ARHGAP23: variants seen among roughly 807,000 people sequenced by gnomAD.
ARHGAP23 encodes the protein Rho GTPase activating protein 23, also known as rho GTPase-activating protein 23.
Under a neutral mutation model 136.3 loss-of-function variants are expected in ARHGAP23, and 34 were observed. The observed-to-expected ratio is 0.25, with a 90% CI of 0.19 to 0.33. ARHGAP23 has a LOEUF of 0.33. ARHGAP23 is among the 10% of genes least tolerant of loss of function. The pLI, the probability that ARHGAP23 is intolerant of heterozygous loss-of-function variation, is 1.00. For missense variants in ARHGAP23, 1,808 were observed against 2,139.0 expected, an observed-to-expected ratio of 0.85 and a Z score of 3.05; for synonymous variants, 832 against 920.5, an observed-to-expected ratio of 0.90 and a Z score of 1.74.
At chr17:38,435,142 G>T (rs190623350) in intron 1 of ARHGAP23, among the ~76,000 whole-genome samples, 2 of 152,354 alleles carry the variant, frequency 1.3e-5, no homozygotes, top group East Asian at 3.9e-4. Context: ...GACAGGCCAA[G>T]GGGATAGAGC....
intron 1 of ARHGAP23, among the ~76,000 whole-genome samples, chr17:38,429,260 C>A (rs1169958486): frequency 6.6e-6 from 1 of 152,264 alleles, no homozygotes; most frequent in Non-Finnish European, 1.5e-5. Flanking sequence ...TGGGTTCTTT[C>A]ATCTGCCAGC....
rs2040743324 is a variant in ARHGAP23, at chr17:38,510,717, C to G, written c.4221C>G (p.Thr1407=). 1.4e-6 allele frequency: 2 copies of G among 1,456,580 alleles called. No individual in the cohort carries two copies. The highest frequency in any genetic ancestry group is 9.0e-7 in the Non-Finnish European group (1 of 1,109,220). The allele number at this position is 1,456,580 out of a possible 1,614,324, so 90.2% of individuals were successfully genotyped here. Residue 1407 remains threonine, a synonymous_variant, in exon 24 of 24, where the codon ACC becomes ACG. Coordinates refer to ENST00000622683, the MANE Select transcript of ARHGAP23 (RefSeq NM_001199417.2). This position sits in a 1 kb window ranked among gnomAD's most constrained non-coding sequence, Gnocchi z 4.6. ...GCCGGAGCAGCTGGCGCCGCCACAC[C>G]GTGGTGGTGCAGAGCCCGCTGACTG... ...RRRRSSWRRH[T]VVVQSPLTDL... is the part of the protein sequence containing the mutation.
intron 15 of ARHGAP23, 71 bp downstream of exon 15, chr17:38,482,214 G>C: frequency 6.6e-7 from 1 of 1,524,096 alleles, no homozygotes; most frequent in South Asian, 1.3e-5. Context: ...AGAGCAGCAA[G>C]GGACATGGAA....
chr17:38,472,959 C>T (rs779435832), intron 11 of ARHGAP23, among the ~76,000 whole-genome samples: 35 of 152,278 alleles, frequency 2.3e-4, no homozygotes, highest in Non-Finnish European at 4.4e-4. Flanking sequence ...TTTTTTGAGA[C>T]GGAGTCTCGC....
At chr17:38,428,440 G>A, upstream of ARHGAP23, 2 of 1,255,034 alleles carry the variant, frequency 1.6e-6, no homozygotes, top group Non-Finnish European at 2.1e-6. Flanking sequence ...GGTCCCTGCC[G>A]GCGCCCCCAG....
At position 38,469,378 on chromosome 17, in the gene ARHGAP23, G is replaced by A. The variant is rs1410685584; in HGVS notation, c.1804+79G>A. 8 of 1,481,708 alleles carry A rather than the reference G, an allele frequency of 5.4e-6. No homozygotes were observed. In the East Asian group the frequency reaches 1.7e-4, roughly 32 times the overall value. The allele number at this position is 1,481,708 out of a possible 1,614,324, so 91.8% of individuals were successfully genotyped here. A position where few individuals can be genotyped will look rare whatever the true frequency, so the allele number is the denominator to read the frequency against. On this transcript the variant is annotated intron_variant, in intron 8 of 23. Coordinates refer to ENST00000622683, the MANE Select transcript of ARHGAP23 (RefSeq NM_001199417.2). The stretch of plus-strand genomic sequence containing the variant: ...GGGGTCTCTGTTGGGCCTGCTGCTT[G>A]ATGTCTGGCCTCTTCCTCTGGTTTC...
intron 1 of ARHGAP23, among the ~76,000 whole-genome samples, chr17:38,433,054 G>T (rs2038719040): frequency 6.6e-6 from 1 of 152,220 alleles, no homozygotes; most frequent in Non-Finnish European, 1.5e-5. Context: ...CTGGGATCAA[G>T]TGAGCCTCCC....
At chr17:38,509,021 TGGGGAAGGCA>T (rs544613053) in intron 23 of ARHGAP23, among the ~76,000 whole-genome samples, 131,504 of 132,224 alleles carry the variant, frequency 0.99, 65,400 homozygotes, top group Middle Eastern at 1. Flanking sequence ...TGAGTCTCAG[TGGGGAAGGCA>T]GGGGAAGGCA....
At chr17:38,486,834 C>T (rs35164559) in intron 17 of ARHGAP23, among the ~76,000 whole-genome samples, 9,048 of 152,294 alleles carry the variant, frequency 0.059, 340 homozygotes, top group South Asian at 0.18. Context: ...CCCCAGGCGT[C>T]GGGCACCGAC....
chr17:38,488,370 C>A (rs1369646389), intron 17 of ARHGAP23, among the ~76,000 whole-genome samples: 1 of 152,132 alleles, frequency 6.6e-6, no homozygotes, highest in Non-Finnish European at 1.5e-5. Context: ...TCGATCAGAC[C>A]ATGTGCCCAT....
chr17:38,494,020 T>C (rs2040335341), intron 20 of ARHGAP23, among the ~76,000 whole-genome samples: 2 of 137,218 alleles, frequency 1.5e-5, no homozygotes, highest in African/African-American at 2.4e-5. Flanking sequence ...TGTGGGAGGC[T>C]GTTCTGTGTG....
chr17:38,431,441 C>T (rs906839993), intron 1 of ARHGAP23, among the ~76,000 whole-genome samples: 1 of 152,130 alleles, frequency 6.6e-6, no homozygotes, highest in African/African-American at 2.4e-5. Flanking sequence ...CTCACCATCT[C>T]GGGAGAGAGA....
At chr17:38,453,422 CGTGTGTGTGT>C (rs1161809844) in intron 1 of ARHGAP23, among the ~76,000 whole-genome samples, 3,268 of 116,612 alleles carry the variant, frequency 0.028, 60 homozygotes, top group Non-Finnish European at 0.037. Context: ...CGTATGCGTG[CGTGTGTGTGT>C]GTGTGTGTGT....
intron 2 of ARHGAP23, among the ~76,000 whole-genome samples, chr17:38,460,033 T>C (rs543807291): frequency 5.6e-4 from 85 of 152,256 alleles, no homozygotes; most frequent in African/African-American, 2.0e-3. Flanking sequence ...AATGGGTACA[T>C]GTGTGGAGAG....
At chr17:38,432,104 C>T (rs964643456) in intron 1 of ARHGAP23, among the ~76,000 whole-genome samples, 1 of 152,220 alleles carries the variant, frequency 6.6e-6, no homozygotes, top group Admixed American at 6.5e-5. Flanking sequence ...CTACCCCTGA[C>T]ACTGTGATGT....
At chr17:38,490,002 G>A in intron 17 of ARHGAP23, 100 bp from the exon 18 acceptor site, 3 of 1,141,668 alleles carry the variant, frequency 2.6e-6, no homozygotes, top group South Asian at 2.7e-5. Context: ...CCCCCGAACT[G>A]GAGGAGTTCA....
chr17:38,456,506 CGAG>C (rs2144601020), intron 1 of ARHGAP23, among the ~76,000 whole-genome samples: 1 of 152,270 alleles, frequency 6.6e-6, no homozygotes, highest in African/African-American at 2.4e-5. Context: ...TGCCTGGTGC[CGAG>C]GAGGAGTTGA....
chr17:38,439,873 C>T (rs2038883757), intron 1 of ARHGAP23, among the ~76,000 whole-genome samples: 1 of 149,930 alleles, frequency 6.7e-6, no homozygotes, highest in South Asian at 2.1e-4. Flanking sequence ...CTCACAGGTT[C>T]AAGCGATTCT....
chr17:38,483,821 G>A (rs1269847256), intron 16 of ARHGAP23, among the ~76,000 whole-genome samples: 2 of 152,156 alleles, frequency 1.3e-5, no homozygotes, highest in Non-Finnish European at 2.9e-5. Context: ...ATAGGAGGGG[G>A]CAGGTGGACG....
Sources: allele counts gnomAD v4.1 joint callset (sites outside exome capture counted in the v4.1 genomes callset), GRCh38; gene constraint gnomAD v4.1.1; non-coding constraint Gnocchi (gnomAD v3.1); transcripts MANE v1.5; gene names NCBI Gene and HGNC (gene_info 2026-07-23, HGNC 2026-07-21).